The following BNC2 variants were observed in gnomAD, a reference collection of about 807,000 sequenced individuals.
The protein encoded by BNC2 is zinc finger protein basonuclin-2.
In BNC2, 20 loss-of-function variants were observed where a neutral mutation model predicts 76.3. The observed-to-expected ratio is 0.26, with a 90% confidence interval of 0.18 to 0.38. The LOEUF (loss-of-function observed/expected upper bound fraction) is 0.38. Among genes scored for constraint, BNC2 ranks in the 10% least tolerant of loss-of-function variants. BNC2 has a pLI of 1.00. For synonymous variants in BNC2, 582 were observed against 514.8 expected (o/e 1.13, Z -1.77); for missense variants, 1,382 against 1,399.8 (o/e 0.99, Z 0.20).
intron 4 of BNC2, among the ~76,000 whole-genome samples, chr9:16,553,599 C>T (rs1352319848): frequency 6.6e-6 from 1 of 152,142 alleles, no homozygotes; most frequent in Non-Finnish European, 1.5e-5. Context: ...TGTATTTCAG[C>T]TAACTGTATT....
At chr9:16,736,118 C>T (rs1292363425) in intron 2 of BNC2, among the ~76,000 whole-genome samples, 1 of 151,396 alleles carries the variant, frequency 6.6e-6, no homozygotes, top group Non-Finnish European at 1.5e-5. Flanking sequence ...CCTGTAATCC[C>T]AGCTACTCGG....
At chr9:16,691,071 C>T (rs1349285167) in intron 3 of BNC2, among the ~76,000 whole-genome samples, 1 of 152,164 alleles carries the variant, frequency 6.6e-6, no homozygotes, top group Non-Finnish European at 1.5e-5. Context: ...TGTTTTTATA[C>T]TGTGAAATAT....
intron 3 of BNC2, among the ~76,000 whole-genome samples, chr9:16,640,939 A>T (rs1821476268): frequency 6.6e-6 from 1 of 152,192 alleles, no homozygotes; most frequent in Admixed American, 6.6e-5. Context: ...CTCAAGAAGC[A>T]GTACGTTCAC....
chr9:16,518,574 ATATAT>A (rs1407547221), intron 5 of BNC2, among the ~76,000 whole-genome samples: 4 of 128,978 alleles, frequency 3.1e-5, no homozygotes, highest in Non-Finnish European at 1.6e-5. Flanking sequence ...TCATATATAT[ATATAT>A]TTTTTGTTGT....
chr9:16,613,052 A>G (rs78801863), intron 3 of BNC2, among the ~76,000 whole-genome samples: 1,560 of 152,350 alleles, frequency 0.01, 34 homozygotes, highest in African/African-American at 0.036. Flanking sequence ...TTCAAAGAAC[A>G]TATGAGTTAT....
intron 1 of BNC2, among the ~76,000 whole-genome samples, chr9:16,853,691 A>G (rs549003045): frequency 2.6e-5 from 4 of 152,088 alleles, no homozygotes; most frequent in African/African-American, 9.6e-5. Flanking sequence ...ACATGGTGAA[A>G]CCCTGTCTGT....
At chr9:16,585,678 A>C (rs2133091876) in intron 3 of BNC2, among the ~76,000 whole-genome samples, 1 of 152,342 alleles carries the variant, frequency 6.6e-6, no homozygotes, top group South Asian at 2.1e-4. Context: ...AACCAACGTG[A>C]TCACTGGCCA....
rs1820548892 is a variant in BNC2, at chr9:16,414,796, A to T, written c.*4193T>A. On this transcript the variant is annotated 3_prime_UTR_variant, in exon 7 of 7. Transcript: ENST00000380672. ...CGGCCCTCATTCTCATTTGCTTGGC[A>T]CATATCTGGGGTGTGTACAGAGAAA... 6.6e-6 allele frequency: 1 copy of T among 152,110 alleles called. No homozygotes were observed. Among genetic ancestry groups the T allele is most frequent in the Non-Finnish European group, 1.5e-5 (1 of 68,040 alleles). The allele number at this position is 152,110 out of a possible 1,614,324, so 9.4% of individuals were successfully genotyped here.
At chr9:16,631,766 A>G (rs1330453457) in intron 3 of BNC2, among the ~76,000 whole-genome samples, 1 of 152,264 alleles carries the variant, frequency 6.6e-6, no homozygotes, top group African/African-American at 2.4e-5. Flanking sequence ...CGTTGTGCAG[A>G]AGAGCAGAAA....
Position 16,424,625 on chromosome 9 carries a change from G to A in BNC2, c.2640-4976C>T, listed in dbSNP as rs568275104. ...CATATGCATGCCTATTTGTCTGTAT[G>A]TATGTGTGTACATATATGTATATGG... On this transcript the variant is annotated intron_variant, in intron 6 of 6. Transcript: ENST00000380672. Among the ~76,000 whole-genome samples the A allele has an allele frequency of 7.2e-5, 11 of 152,276 alleles. No homozygotes were observed. In the South Asian group the frequency reaches 2.3e-3, roughly 32 times the overall value.
At chr9:16,555,516 G>A (rs979093964) in intron 4 of BNC2, among the ~76,000 whole-genome samples, 1 of 152,212 alleles carries the variant, frequency 6.6e-6, no homozygotes, top group African/African-American at 2.4e-5. Flanking sequence ...TATGAATACA[G>A]CTGGGCAAGG....
intron 1 of BNC2, among the ~76,000 whole-genome samples, chr9:16,754,801 G>C (rs758903257): frequency 6.6e-6 from 1 of 152,118 alleles, no homozygotes; most frequent in Non-Finnish European, 1.5e-5. Flanking sequence ...CAGGTGATCT[G>C]CCTGCCTCAG....
At chr9:16,729,699 G>T (rs10962554) in intron 2 of BNC2, among the ~76,000 whole-genome samples, 1 of 151,890 alleles carries the variant, frequency 6.6e-6, no homozygotes, top group African/African-American at 2.4e-5. Context: ...TGGGGGGGAG[G>T]GCAGGAAAAT....
intron 1 of BNC2, among the ~76,000 whole-genome samples, chr9:16,819,161 T>C (rs10114576): frequency 0.12 from 19,009 of 152,192 alleles, 1,533 homozygotes; most frequent in East Asian, 0.29. Context: ...ACCTATAAGC[T>C]GTCTGTACAA....
At chr9:16,773,787 T>C (rs1200627342) in intron 1 of BNC2, among the ~76,000 whole-genome samples, 1 of 152,178 alleles carries the variant, frequency 6.6e-6, no homozygotes, top group Admixed American at 6.5e-5. Flanking sequence ...TACACCTACA[T>C]GCCAAATGAC....
rs547836241 is a variant in BNC2 at position 16,699,951 on chromosome 9, T to G, written c.330+27846A>C. The stretch of plus-strand genomic sequence containing the variant: ...ATTACAGAATTATCATGGCAGTTAA[T>G]TTGTTTTACAAGCAATTTATTTAAA... On this transcript the variant is annotated intron_variant, in intron 3 of 6. Transcript: ENST00000380672. 4.6e-5 allele frequency among the ~76,000 whole-genome samples: 7 copies of G among 150,892 alleles called. No individual in the cohort carries two copies. In the South Asian group the frequency reaches 1.4e-3, roughly 31 times the overall value.
In BNC2 at chr9:16,756,228, T is replaced by A. The variant is rs1586858330; in HGVS notation, c.4-17743A>T. ...ACCTGCAAAATCTTTTTATGCCTACTCAATAATAAATTATATTCTCTCTCT... is the reference window on the plus strand; with the variant it reads ...ACCTGCAAAATCTTTTTATGCCTACACAATAATAAATTATATTCTCTCTCT... On this transcript the variant is annotated intron_variant, in intron 1 of 6. Coordinates refer to ENST00000380672, the MANE Select transcript of BNC2 (RefSeq NM_017637.6). Among the ~76,000 whole-genome samples, 6 of 152,326 alleles carry A rather than the reference T, an allele frequency of 3.9e-5. No homozygotes were observed. In the South Asian group the frequency reaches 1.2e-3, roughly 32 times the overall value.
At chr9:16,428,400 G>A (rs574752947) in intron 6 of BNC2, among the ~76,000 whole-genome samples, 3 of 152,210 alleles carry the variant, frequency 2.0e-5, no homozygotes, top group Admixed American at 1.3e-4. Context: ...TTTTACTTAC[G>A]AAATCTTATT....
chr9:16,827,071 G>T (rs767525589), intron 1 of BNC2, among the ~76,000 whole-genome samples: 3 of 152,194 alleles, frequency 2.0e-5, no homozygotes, highest in African/African-American at 7.2e-5. Context: ...TAGACTTGGA[G>T]ATAGCTACCA....
Sources: allele counts gnomAD v4.1 joint callset (sites outside exome capture counted in the v4.1 genomes callset), GRCh38; gene constraint gnomAD v4.1.1; transcripts MANE v1.5; gene names NCBI Gene and HGNC (gene_info 2026-07-23, HGNC 2026-07-21).